ADGRA2: variants seen among roughly 807,000 people sequenced by gnomAD.
ADGRA2 encodes adhesion G protein-coupled receptor A2.
ADGRA2 carries 61 observed loss-of-function variants against 98.7 expected under a neutral mutation model. That is an observed-to-expected ratio of 0.62 (90% confidence interval 0.50 to 0.76). ADGRA2 has a LOEUF of 0.76. ADGRA2 is among the 30% of genes least tolerant of loss of function. ADGRA2 has a pLI of 0.00. For synonymous variants in ADGRA2, 858 were observed against 831.5 expected, an observed-to-expected ratio of 1.03 and a Z score of -0.55; for missense variants, 1,712 against 1,860.0, an observed-to-expected ratio of 0.92 and a Z score of 1.46.
Position 37,844,746 on chromosome 8 carries a change from TCTC to T in ADGRA2, c.*2394_*2396del, listed in dbSNP as rs1460228573. 6.2e-7 allele frequency: 1 copy of T among 1,614,040 alleles called. No individual in the cohort carries two copies. The highest frequency in any genetic ancestry group is 1.7e-5 in the Admixed American group (1 of 60,020). ...TAAGGAATTATTTCCCACCTCCCCT[TCTC>T]CTTGCCCCTGTCCCCACCCCGGTGG... is the stretch of plus-strand genomic sequence containing the variant. On this transcript the variant is annotated 3_prime_UTR_variant, in exon 19 of 19. Transcript: ENST00000412232.
Position 37,841,025 on chromosome 8 carries a change from G to GCCCCCCGCCCCCCCCC in ADGRA2, c.2748-56_2748-55insCGCCCCCCCCCCCCCC. ...ATATCCTGTCTCCCCAACCACCCCGGCCCCCAGCCCCACCCCAGCCATGCC... is the reference window on the plus strand; with the variant it reads ...ATATCCTGTCTCCCCAACCACCCCGGCCCCCCGCCCCCCCCCCCCCCAGCCCCACCCCAGCCATGCC... On this transcript the variant is annotated intron_variant, in intron 18 of 18. Transcript: ENST00000412232. The surrounding 1 kb of genome is among the most constrained non-coding windows in gnomAD (Gnocchi z 5.0). 3 of 1,411,664 alleles carry GCCCCCCGCCCCCCCCC rather than the reference G, an allele frequency of 2.1e-6. No individual in the cohort carries two copies. The highest frequency in any genetic ancestry group is 2.9e-6 in the Non-Finnish European group (3 of 1,023,662). The allele number at this position is 1,411,664 out of a possible 1,614,324, so 87.4% of individuals were successfully genotyped here.
chr8:37,816,358 C>T (rs1023464635), intron 2 of ADGRA2, among the ~76,000 whole-genome samples: 1 of 151,970 alleles, frequency 6.6e-6, no homozygotes, highest in African/African-American at 2.4e-5. Context: ...TTTGGGAGGC[C>T]GAGGCGGGTG....
chr8:37,840,911 C>G, intron 18 of ADGRA2, 62 bp downstream of exon 18: 3 of 1,112,726 alleles, frequency 2.7e-6, no homozygotes, highest in East Asian at 4.9e-5. Context: ...TTCCACTCCA[C>G]TGGCAGGGCC....
At chr8:37,829,361 GGAGGA>G in intron 4 of ADGRA2, 29 bp downstream of exon 4, 1 of 1,592,180 alleles carries the variant, frequency 6.3e-7, no homozygotes, top group Non-Finnish European at 8.6e-7. Flanking sequence ...AGTGGGGAGG[GGAGGA>G]GAGGGAAGAA....
chr8:37,828,517 C>A (rs545257265), intron 2 of ADGRA2, among the ~76,000 whole-genome samples: 1 of 126,930 alleles, frequency 7.9e-6, no homozygotes, highest in Non-Finnish European at 1.6e-5. Context: ...GATGGAGTCT[C>A]GCTCTGTCGC....
chr8:37,841,155 C>T lies in ADGRA2; in HGVS notation c.2817C>T (p.Thr939=), dbSNP rs947408543. Residue 939 remains threonine (T), a synonymous_variant, in exon 19 of 19, where the codon ACC becomes ACT. Transcript: ENST00000412232. This position sits in a 1 kb window ranked among gnomAD's most constrained non-coding sequence, Gnocchi z 5.0. Reference sequence around the variant, plus strand: ...CTGTGGCTTTGATTCTGCTCATCACCTGGATCTATTTCCTGTGCGCCGGGC... The same window carrying T: ...CTGTGGCTTTGATTCTGCTCATCACTTGGATCTATTTCCTGTGCGCCGGGC... ...YIPVALILLI[T]WIYFLCAGLR... is the part of the protein sequence containing the mutation. The T allele has an allele frequency of 4.3e-6, 7 of 1,612,478 alleles. No individual in the cohort carries two copies. The African/African-American group carries it at 8.0e-5, about 18-fold the overall frequency.
rs533491458 is a variant in ADGRA2 at position 37,806,526 on chromosome 8, C to CTTTTTTTTTTTTTTTTTTTTTTTTT, written c.267-8354_267-8353insTTTTTTTTTTTTTTTTTTTTTTTTT. Among the ~76,000 whole-genome samples, 107 of 100,346 alleles carry CTTTTTTTTTTTTTTTTTTTTTTTTT rather than the reference C, an allele frequency of 1.1e-3. 13 individuals are homozygous for CTTTTTTTTTTTTTTTTTTTTTTTTT. Among genetic ancestry groups the CTTTTTTTTTTTTTTTTTTTTTTTTT allele is most frequent in the African/African-American group, 4.6e-3 (90 of 19,486 alleles). 65.8% of individuals were successfully genotyped at this position (100,346 alleles called of 152,430 possible). A position where few individuals can be genotyped will look rare whatever the true frequency, so the allele number is the denominator to read the frequency against. On this transcript the variant is annotated intron_variant, in intron 1 of 18. Coordinates refer to ENST00000412232, the MANE Select transcript of ADGRA2 (RefSeq NM_032777.10). The stretch of plus-strand genomic sequence containing the variant: ...CTTTTTCTTTTTCTTTTTTCTTTTT[C>CTTTTTTTTTTTTTTTTTTTTTTTTT]TTTTTTTTTTTTTTTTGAGACAGAG...
At position 37,798,000 on chromosome 8, in the gene ADGRA2, G is replaced by A. The variant is rs1804387703; in HGVS notation, c.266+466G>A. ...GAGGAGTCTCCGGATTTACCTGGCT[G>A]GCCTTGTCCCTTCAATTGGGGTCAT... On this transcript the variant is annotated intron_variant, in intron 1 of 18. Transcript: ENST00000412232. The surrounding 1 kb of genome is among the most constrained non-coding windows in gnomAD (Gnocchi z 5.3). Among the ~76,000 whole-genome samples the A allele has an allele frequency of 6.6e-6, 1 of 152,230 alleles. No individual in the cohort carries two copies. Among genetic ancestry groups the A allele is most frequent in the South Asian group, 2.1e-4 (1 of 4,832 alleles).
Position 37,832,940 on chromosome 8 carries a change from C to G in ADGRA2, c.1098-70C>G, listed in dbSNP as rs980999354. ...CCCCAAGGAGTCCGGCCTCACCGTT[C>G]TAAAGTCGGGAGAAGGGCTGTTGTT... is the stretch of plus-strand genomic sequence containing the variant. On this transcript the variant is annotated intron_variant, in intron 8 of 18. Transcript: ENST00000412232. 7 of 1,252,900 alleles carry G rather than the reference C, an allele frequency of 5.6e-6. No individual in the cohort carries two copies. In the African/African-American group the frequency reaches 1.0e-4, roughly 18 times the overall value. 77.6% of individuals were successfully genotyped at this position (1,252,900 alleles called of 1,614,324 possible). A position where few individuals can be genotyped will look rare whatever the true frequency, so the allele number is the denominator to read the frequency against.
At chr8:37,799,361 C>T (rs1004440837) in intron 1 of ADGRA2, among the ~76,000 whole-genome samples, 8 of 144,932 alleles carry the variant, frequency 5.5e-5, no homozygotes, top group Non-Finnish European at 1.0e-4. Context: ...GGCGACAGAG[C>T]GAGACTCCGT....
Position 37,814,093 on chromosome 8 carries a change from G to A in ADGRA2, c.267-803G>A, listed in dbSNP as rs570336292. On this transcript the variant is annotated intron_variant, in intron 1 of 18. Coordinates refer to ENST00000412232, the MANE Select transcript of ADGRA2 (RefSeq NM_032777.10). The surrounding 1 kb of genome is among the most constrained non-coding windows in gnomAD (Gnocchi z 4.3). Reference sequence around the variant, plus strand: ...CTTTCTAATAAGCAATTAACTGGGGGATGAGCCCTTTGGCTGGCCTGGATC... The same window carrying A: ...CTTTCTAATAAGCAATTAACTGGGGAATGAGCCCTTTGGCTGGCCTGGATC... 6.6e-6 allele frequency among the ~76,000 whole-genome samples: 1 copy of A among 152,202 alleles called. No homozygotes were observed. The highest frequency in any genetic ancestry group is 2.4e-5 in the African/African-American group (1 of 41,456).
chr8:37,803,973 T>C (rs572142942), intron 1 of ADGRA2, among the ~76,000 whole-genome samples: 1 of 152,064 alleles, frequency 6.6e-6, no homozygotes, highest in African/African-American at 2.4e-5. Flanking sequence ...CTGGGAATTG[T>C]GTATCAAGGC....
intron 16 of ADGRA2, 62 bp from the exon 17 acceptor site, chr8:37,840,059 A>G: frequency 6.9e-7 from 1 of 1,441,400 alleles, no homozygotes; most frequent in Non-Finnish European, 9.3e-7. Context: ...AGCAGGACTG[A>G]AGCTCTGGGA....
chr8:37,827,708 G>A (rs1362915327), intron 2 of ADGRA2, among the ~76,000 whole-genome samples: 1 of 152,240 alleles, frequency 6.6e-6, no homozygotes. Flanking sequence ...ATCTGAAGGA[G>A]GAGGCTGGAC....
chr8:37,810,346 TAAAAATAC>T (rs1383346791), intron 1 of ADGRA2, among the ~76,000 whole-genome samples: 1 of 151,778 alleles, frequency 6.6e-6, no homozygotes, highest in Non-Finnish European at 1.5e-5. Context: ...CCGTTTCTAC[TAAAAATAC>T]AAAAATTAGC....
intron 2 of ADGRA2, among the ~76,000 whole-genome samples, chr8:37,821,772 T>C (rs1197614637): frequency 6.6e-6 from 1 of 152,202 alleles, no homozygotes; most frequent in African/African-American, 2.4e-5. Flanking sequence ...CTTAATGAGA[T>C]TAATGAGCCC....
chr8:37,821,083 C>T (rs777675471), intron 2 of ADGRA2, among the ~76,000 whole-genome samples: 32 of 152,174 alleles, frequency 2.1e-4, no homozygotes, highest in Non-Finnish European at 1.5e-4. Flanking sequence ...TCCCACCACC[C>T]TCCAGCATGG....
intron 2 of ADGRA2, among the ~76,000 whole-genome samples, chr8:37,816,163 T>C (rs1275119511): frequency 6.6e-6 from 1 of 152,130 alleles, no homozygotes; most frequent in Non-Finnish European, 1.5e-5. Context: ...GCGTGGTGGT[T>C]CTGTAAATCC....
rs2129869709 is a variant in ADGRA2 at position 37,797,170 on chromosome 8, C to T, written c.-99C>T. ...GGCCCCCCTCCACGCCCTCGGGAGC[C>T]CCGGGCCCCCGCTGAGCACTCCTCC... On this transcript the variant is annotated 5_prime_UTR_variant, in exon 1 of 19. Transcript: ENST00000412232. The surrounding 1 kb of genome is among the most constrained non-coding windows in gnomAD (Gnocchi z 5.3). The T allele has an allele frequency of 1.0e-6, 1 of 988,390 alleles. No individual in the cohort carries two copies. Among genetic ancestry groups the T allele is most frequent in the Non-Finnish European group, 1.3e-6 (1 of 782,460 alleles). 61.2% of individuals were successfully genotyped at this position (988,390 alleles called of 1,614,324 possible). A position where few individuals can be genotyped will look rare whatever the true frequency, so the allele number is the denominator to read the frequency against.
Sources: allele counts gnomAD v4.1 joint callset (sites outside exome capture counted in the v4.1 genomes callset), GRCh38; gene constraint gnomAD v4.1.1; non-coding constraint Gnocchi (gnomAD v3.1); transcripts MANE v1.5; gene names NCBI Gene and HGNC (gene_info 2026-07-23, HGNC 2026-07-21).